The following PLBD2 variants were observed in gnomAD, a reference collection of about 807,000 sequenced individuals.
The protein encoded by PLBD2 is putative aminopeptidase PLBD2.
In PLBD2, 51 loss-of-function variants were observed where a neutral mutation model predicts 68.3. The ratio of observed to expected loss-of-function variants is 0.75; its 90% CI spans 0.60 to 0.94. PLBD2 has a LOEUF of 0.94. Ranked by LOEUF, PLBD2 falls within the 40% of genes least tolerant of loss-of-function variation. The pLI is 0.00. For missense variants in PLBD2, 729 were observed against 792.2 expected, an observed-to-expected ratio of 0.92 and a Z score of 0.96; for synonymous variants, 314 against 339.3, an observed-to-expected ratio of 0.93 and a Z score of 0.82.
intron 1 of PLBD2, among the ~76,000 whole-genome samples, chr12:113,362,314 G>A (rs1199640860): frequency 6.6e-6 from 1 of 151,684 alleles, no homozygotes; most frequent in Non-Finnish European, 1.5e-5. Context: ...GCAACAGAGT[G>A]AGACCCTGTC....
At chr12:113,381,417 C>A (rs978751889) in intron 6 of PLBD2, among the ~76,000 whole-genome samples, 1 of 152,064 alleles carries the variant, frequency 6.6e-6, no homozygotes, top group East Asian at 1.9e-4. Flanking sequence ...TGGCACCCCT[C>A]GCTGAGAAAG....
chr12:113,360,454 C>T (rs377520580), intron 1 of PLBD2, among the ~76,000 whole-genome samples: 1 of 152,204 alleles, frequency 6.6e-6, no homozygotes, highest in Admixed American at 6.5e-5. Flanking sequence ...GGCTGTGTTG[C>T]TCTTGACTAT....
At position 113,372,882 on chromosome 12, in the gene PLBD2, A is replaced by G; in HGVS notation, c.543+75A>G. On this transcript the variant is annotated intron_variant, in intron 3 of 11. Coordinates refer to ENST00000280800, the MANE Select transcript of PLBD2 (RefSeq NM_173542.4). The surrounding 1 kb of genome is among the most constrained non-coding windows in gnomAD (Gnocchi z 4.2). ...CATCCTGTCTCCTGTTGTTCTGGCC[A>G]GCCTTGTGGCATGTCCAGCTGCCCA... 1 of 1,542,188 alleles carries G rather than the reference A, an allele frequency of 6.5e-7. No individual in the cohort carries two copies. Among genetic ancestry groups the G allele is most frequent in the South Asian group, 1.2e-5 (1 of 84,198 alleles).
chr12:113,388,775 A>T lies in PLBD2; in HGVS notation c.*149A>T. 1.2e-6 allele frequency: 1 copy of T among 861,852 alleles called. No individual in the cohort carries two copies. Among genetic ancestry groups the T allele is most frequent in the Non-Finnish European group, 1.7e-6 (1 of 595,690 alleles). 53.4% of individuals were successfully genotyped at this position (861,852 alleles called of 1,614,324 possible). ...GAGTCATCTCCTCCTAGAGTGGGTC[A>T]CGAACCTGATGGGGCTCAGAACTGA... is the stretch of plus-strand genomic sequence containing the variant. On this transcript the variant is annotated 3_prime_UTR_variant, in exon 12 of 12. Transcript: ENST00000280800.
Position 113,372,868 on chromosome 12 carries a change from CTGT to C in PLBD2, c.543+66_543+68del. On this transcript the variant is annotated intron_variant, in intron 3 of 11. Coordinates refer to ENST00000280800, the MANE Select transcript of PLBD2 (RefSeq NM_173542.4). The surrounding 1 kb of genome is among the most constrained non-coding windows in gnomAD (Gnocchi z 4.2). ...TCCAGCTGGCCAGCCATCCTGTCTC[CTGT>C]TGTTCTGGCCAGCCTTGTGGCATGT... 1 of 1,574,638 alleles carries C rather than the reference CTGT, an allele frequency of 6.4e-7. No homozygotes were observed.
At chr12:113,387,404 A>G (rs1957562624) in intron 10 of PLBD2, among the ~76,000 whole-genome samples, 1 of 152,142 alleles carries the variant, frequency 6.6e-6, no homozygotes, top group Non-Finnish European at 1.5e-5. Context: ...CGGTGCAGAA[A>G]TCCATCAAGT....
At chr12:113,382,381 C>T (rs1957499309) in intron 6 of PLBD2, among the ~76,000 whole-genome samples, 1 of 152,122 alleles carries the variant, frequency 6.6e-6, no homozygotes, top group Non-Finnish European at 1.5e-5. Flanking sequence ...CAGTGACCGT[C>T]CCAGTGACTA....
chr12:113,376,888 C>G (rs926506639), intron 5 of PLBD2: 1 of 152,306 alleles, frequency 6.6e-6, no homozygotes, highest in African/African-American at 2.4e-5. Context: ...ATCCCAGGCC[C>G]CAGCATCAGC....
chr12:113,384,124 T>C lies in PLBD2; in HGVS notation c.977T>C (p.Ile326Thr), dbSNP rs757304852. The change falls in exon 7 of 12, where the codon ATT becomes ACT. Residue 326 changes from isoleucine (I) to threonine (T), a missense_variant. Transcript: ENST00000280800. This position sits in a 1 kb window ranked among gnomAD's most constrained non-coding sequence, Gnocchi z 4.2. ...GSGLVTLETT[I>T]GNKNPALWKY... Reference sequence around the variant, plus strand: ...CCACAGGTGACACTGGAGACCACCATTGGCAACAAGAACCCAGCCCTGTGG... The same window carrying C: ...CCACAGGTGACACTGGAGACCACCACTGGCAACAAGAACCCAGCCCTGTGG... 11 of 1,610,984 alleles carry C rather than the reference T, an allele frequency of 6.8e-6. No individual in the cohort carries two copies. Among genetic ancestry groups the C allele is most frequent in the Non-Finnish European group, 9.3e-6 (11 of 1,178,000 alleles).
chr12:113,383,635 A>T (rs1037036244), intron 6 of PLBD2, among the ~76,000 whole-genome samples: 4 of 151,460 alleles, frequency 2.6e-5, no homozygotes, highest in African/African-American at 9.7e-5. Context: ...GGGTTTTACC[A>T]TGTTGGCCAG....
intron 2 of PLBD2, among the ~76,000 whole-genome samples, chr12:113,370,689 G>A (rs1377365740): frequency 6.6e-6 from 1 of 151,970 alleles, no homozygotes; most frequent in Non-Finnish European, 1.5e-5. Flanking sequence ...TGTTGGCCAG[G>A]CTGGTCTCAA....
At chr12:113,382,200 A>C (rs1957497513) in intron 6 of PLBD2, among the ~76,000 whole-genome samples, 1 of 152,220 alleles carries the variant, frequency 6.6e-6, no homozygotes, top group Admixed American at 6.5e-5. Flanking sequence ...ATGGTTATCA[A>C]AATATAAGTA....
Position 113,388,017 on chromosome 12 carries a change from G to A in PLBD2, c.1602+111G>A, listed in dbSNP as rs117344434. On this transcript the variant is annotated intron_variant, in intron 11 of 11. Transcript: ENST00000280800. ...TGATGGCGGGGCAGGAATCACAGTC[G>A]GAATTGGGCTGTGGTTGGGGTCACA... 4.2e-3 allele frequency: 5,673 copies of A among 1,357,640 alleles called. 43 individuals carry two copies. Among genetic ancestry groups the A allele is most frequent in the Admixed American group, 0.021 (1,133 of 54,164 alleles). The allele number at this position is 1,357,640 out of a possible 1,614,324, so 84.1% of individuals were successfully genotyped here.
intron 6 of PLBD2, among the ~76,000 whole-genome samples, chr12:113,381,754 T>C (rs1307696781): frequency 6.6e-6 from 1 of 152,208 alleles, no homozygotes; most frequent in Admixed American, 6.5e-5. Flanking sequence ...TTTTGTGCCA[T>C]AAACACCTTG....
chr12:113,388,363 ATTGGGCTCTGGGGTCAAGGTCAGGGT>A, intron 11 of PLBD2, 70 bp from the exon 12 acceptor site: 1 of 1,248,950 alleles, frequency 8.0e-7, no homozygotes. Flanking sequence ...ACAGTTCAGA[ATTGGGCTCTGGGGTCAAGGTCAGGGT>A]GGGAGGCTGG....
chr12:113,380,440 G>A (rs1390888142), intron 5 of PLBD2, among the ~76,000 whole-genome samples: 1 of 152,144 alleles, frequency 6.6e-6, no homozygotes, highest in Non-Finnish European at 1.5e-5. Flanking sequence ...CAGCTGTGTT[G>A]TTTCTTTTTA....
At chr12:113,369,329 CT>C in intron 2 of PLBD2, 120 bp downstream of exon 2, 2 of 699,268 alleles carry the variant, frequency 2.9e-6, no homozygotes, top group South Asian at 6.0e-5. Context: ...AGCCCTTCAT[CT>C]ATCTGGGGAG....
chr12:113,383,195 C>G (rs148268136), intron 6 of PLBD2, among the ~76,000 whole-genome samples: 71 of 152,274 alleles, frequency 4.7e-4, no homozygotes, highest in African/African-American at 1.7e-3. Flanking sequence ...GTTGTAAGGC[C>G]TCCTAGTCCT....
rs770464620 is a variant in PLBD2, at chr12:113,386,940, C to G, written c.1290C>G (p.Ser430=). The G allele has an allele frequency of 8.1e-6, 13 of 1,612,972 alleles. No individual in the cohort carries two copies. The highest frequency in any genetic ancestry group is 1.7e-4 in the Middle Eastern group (1 of 6,060). ...TGACCATCCTTGTCCCCGGCAGGTCCTTCGAGACTGTGTTCAATGCCAGTG... is the reference window on the plus strand; with the variant it reads ...TGACCATCCTTGTCCCCGGCAGGTCGTTCGAGACTGTGTTCAATGCCAGTG... ...KTYWASYNIP[S]FETVFNASGL... is the part of the protein sequence containing the mutation. Residue 430 remains serine, a synonymous_variant, in exon 10 of 12, where the codon TCC becomes TCG. Coordinates refer to ENST00000280800, the MANE Select transcript of PLBD2 (RefSeq NM_173542.4).
Sources: allele counts gnomAD v4.1 joint callset (sites outside exome capture counted in the v4.1 genomes callset), GRCh38; gene constraint gnomAD v4.1.1; non-coding constraint Gnocchi (gnomAD v3.1); transcripts MANE v1.5; gene names NCBI Gene and HGNC (gene_info 2026-07-23, HGNC 2026-07-21).